The following JAM3 variants were observed in gnomAD, a reference collection of about 807,000 sequenced individuals.
The protein encoded by JAM3 is junctional adhesion molecule C.
JAM3 carries 31 observed loss-of-function variants against 39.4 expected under a neutral mutation model. The ratio of observed to expected loss-of-function variants is 0.79; its 90% CI spans 0.59 to 1.06. JAM3 has a LOEUF of 1.06. JAM3 is among the 50% of genes least tolerant of loss of function. The pLI, the probability that JAM3 is intolerant of heterozygous loss-of-function variation, is 0.00. For synonymous variants in JAM3, 182 were observed against 148.7 expected (o/e 1.22, Z -1.63); for missense variants, 455 against 391.4 (o/e 1.16, Z -1.37).
intron 1 of JAM3, among the ~76,000 whole-genome samples, chr11:134,128,607 G>T (rs1290422939): frequency 1.4e-4 from 22 of 152,070 alleles, no homozygotes; most frequent in Admixed American, 1.4e-3. Context: ...GTGTGTGGCA[G>T]TTCCCCCCTT....
chr11:134,148,818 G>C lies in JAM3; in HGVS notation c.897G>C (p.Glu299Asp). ...TTAACTACATCCGCACTGACGAGGA[G>C]GTAATCATTTAGTAAACCTGGAAAC... ...DGVNYIRTDE[E>D]GDFRHKSSFV... The change falls in exon 8 of 9, where the codon GAG (glutamate) becomes GAC (aspartate). Residue 299 changes from glutamate to aspartate, a missense_variant and splice_region_variant. By Grantham distance (45) the Glu-to-Asp change is conservative. Coordinates refer to ENST00000299106, the MANE Select transcript of JAM3 (RefSeq NM_032801.5). The C allele has an allele frequency of 6.2e-7, 1 of 1,614,008 alleles. No homozygotes were observed. The highest frequency in any genetic ancestry group is 8.5e-7 in the Non-Finnish European group (1 of 1,179,936).
chr11:134,141,357 C>T (rs1212359822), intron 3 of JAM3, among the ~76,000 whole-genome samples: 1 of 151,930 alleles, frequency 6.6e-6, no homozygotes, highest in Non-Finnish European at 1.5e-5. Context: ...GGAGAGAATG[C>T]TGTGTATGAA....
chr11:134,139,587 G>A (rs749030961), intron 1 of JAM3: 3 of 484,144 alleles, frequency 6.2e-6, no homozygotes, highest in Admixed American at 3.3e-5. Context: ...AGGCTTTAAA[G>A]CTCTGAGGGC....
chr11:134,083,495 A>C lies in JAM3; in HGVS notation c.76+14336A>C, dbSNP rs368746658. ...CCTTCAAGTGAGTTTGGAGTCAGGT[A>C]ACTTTTTGAGGAGGAGTGTTTTTGT... On this transcript the variant is annotated intron_variant, in intron 1 of 8. Transcript: ENST00000299106. 7.9e-5 allele frequency among the ~76,000 whole-genome samples: 12 copies of C among 152,332 alleles called. No homozygotes were observed. The East Asian group carries it at 2.1e-3, about 27-fold the overall frequency.
chr11:134,121,070 G>T (rs74820848), intron 1 of JAM3, among the ~76,000 whole-genome samples: 1 of 152,142 alleles, frequency 6.6e-6, no homozygotes, highest in Non-Finnish European at 1.5e-5. Context: ...TCCCAAATGG[G>T]GCTGTGCATA....
At chr11:134,117,222 AAT>A (rs1384514429) in intron 1 of JAM3, among the ~76,000 whole-genome samples, 1 of 151,960 alleles carries the variant, frequency 6.6e-6, no homozygotes, top group South Asian at 2.1e-4. Context: ...AATAAAATAA[AAT>A]AAAATAACCG....
At chr11:134,090,410 G>A (rs561612999) in intron 1 of JAM3, among the ~76,000 whole-genome samples, 1 of 152,050 alleles carries the variant, frequency 6.6e-6, no homozygotes, top group South Asian at 2.1e-4. Context: ...TATTGCCTAG[G>A]TTTTCTTCTA....
In JAM3 at chr11:134,150,672, T is replaced by C. The variant is rs1464916429; in HGVS notation, c.*1491T>C. On this transcript the variant is annotated 3_prime_UTR_variant, in exon 9 of 9. Transcript: ENST00000299106. ...TTTTTTAAGTTTGTTTAATTATTTG[T>C]TAAGATTGTCTAAGGCCAAAGGCAA... is the stretch of plus-strand genomic sequence containing the variant. 1 of 152,116 alleles carries C rather than the reference T, an allele frequency of 6.6e-6. No individual in the cohort carries two copies. Among genetic ancestry groups the C allele is most frequent in the Non-Finnish European group, 1.5e-5 (1 of 68,010 alleles). The allele number at this position is 152,116 out of a possible 1,614,324, so 9.4% of individuals were successfully genotyped here.
At chr11:134,084,511 C>G (rs1256941653) in intron 1 of JAM3, among the ~76,000 whole-genome samples, 1 of 152,056 alleles carries the variant, frequency 6.6e-6, no homozygotes, top group African/African-American at 2.4e-5. Flanking sequence ...TTAATACAGT[C>G]AAATTAATTA....
chr11:134,141,386 G>T (rs1942969810), intron 3 of JAM3, among the ~76,000 whole-genome samples: 1 of 152,010 alleles, frequency 6.6e-6, no homozygotes, highest in Non-Finnish European at 1.5e-5. Flanking sequence ...AGCAACAGAC[G>T]GACTGGCTGA....
At chr11:134,128,861 C>G (rs1162472107) in intron 1 of JAM3, among the ~76,000 whole-genome samples, 2 of 152,212 alleles carry the variant, frequency 1.3e-5, no homozygotes, top group South Asian at 2.1e-4. Context: ...TTTTTTGTAT[C>G]TTTCTCTTGC....
intron 1 of JAM3, among the ~76,000 whole-genome samples, chr11:134,084,006 C>T (rs1941708023): frequency 6.6e-6 from 1 of 152,132 alleles, no homozygotes; most frequent in Admixed American, 6.6e-5. Context: ...AAGCTTATGG[C>T]TACATAATAA....
intron 1 of JAM3, among the ~76,000 whole-genome samples, chr11:134,105,672 A>T (rs1001986813): frequency 2.0e-5 from 3 of 151,980 alleles, no homozygotes; most frequent in Admixed American, 2.0e-4. Flanking sequence ...TACAAAATCA[A>T]TGTCCAGACA....
intron 1 of JAM3, among the ~76,000 whole-genome samples, chr11:134,136,080 CAAA>C (rs1942860285): frequency 6.6e-6 from 1 of 151,978 alleles, no homozygotes; most frequent in Non-Finnish European, 1.5e-5. Context: ...AAAAACAAAA[CAAA>C]AACTGCTGAA....
At chr11:134,088,105 A>G (rs1388648631) in intron 1 of JAM3, among the ~76,000 whole-genome samples, 1 of 152,194 alleles carries the variant, frequency 6.6e-6, no homozygotes, top group Non-Finnish European at 1.5e-5. Context: ...CTGCTTTAGA[A>G]TACATCACTG....
At chr11:134,083,647 C>G (rs966121385) in intron 1 of JAM3, among the ~76,000 whole-genome samples, 1 of 152,020 alleles carries the variant, frequency 6.6e-6, no homozygotes, top group Non-Finnish European at 1.5e-5. Context: ...TGAACAGCAT[C>G]TTTTAGCTCA....
chr11:134,090,938 TGCACCATG>T (rs1473780036), intron 1 of JAM3, among the ~76,000 whole-genome samples: 2 of 152,256 alleles, frequency 1.3e-5, no homozygotes, highest in Non-Finnish European at 2.9e-5. Context: ...AGAGTAACTA[TGCACCATG>T]GTTAGGTTTA....
In JAM3 at chr11:134,137,081, C is replaced by T. The variant is rs192026866; in HGVS notation, c.77-2770C>T. Among the ~76,000 whole-genome samples the T allele has an allele frequency of 8.0e-3, 1,214 of 151,058 alleles. 14 individuals carry two copies. The highest frequency in any genetic ancestry group is 0.029 in the African/African-American group (1,175 of 40,822). On this transcript the variant is annotated intron_variant, in intron 1 of 8. Coordinates refer to ENST00000299106, the MANE Select transcript of JAM3 (RefSeq NM_032801.5). ...TGAGCCGAGGTTGCGCCACTGCACTCCAGCCTGGCTGACAGAGCGAGACTC... is the reference window on the plus strand; with the variant it reads ...TGAGCCGAGGTTGCGCCACTGCACTTCAGCCTGGCTGACAGAGCGAGACTC...
intron 1 of JAM3, among the ~76,000 whole-genome samples, chr11:134,133,740 G>T (rs1165287919): frequency 6.6e-6 from 1 of 152,108 alleles, no homozygotes; most frequent in East Asian, 1.9e-4. Flanking sequence ...GAAAGACTGA[G>T]ACCTAATCAT....
Sources: allele counts gnomAD v4.1 joint callset (sites outside exome capture counted in the v4.1 genomes callset), GRCh38; gene constraint gnomAD v4.1.1; transcripts MANE v1.5; gene names NCBI Gene and HGNC (gene_info 2026-07-23, HGNC 2026-07-21).